Variants in FHIT observed in about 807,000 individuals in gnomAD.
FHIT encodes the protein fragile histidine triad diadenosine triphosphatase.
A neutral mutation model predicts 17.9 loss-of-function variants in FHIT; 19 were observed. That is an observed-to-expected ratio of 1.06 (90% confidence interval 0.74 to 1.56). The LOEUF (loss-of-function observed/expected upper bound fraction) is 1.56, where lower values mean the gene tolerates loss of function less well. FHIT is among the 40% of genes most tolerant of loss of function. FHIT has a pLI of 0.00. For synonymous variants in FHIT, 81 were observed against 69.7 expected, an observed-to-expected ratio of 1.16 and a Z score of -0.81; for missense variants, 248 against 189.2, an observed-to-expected ratio of 1.31 and a Z score of -1.82.
chr3:59,835,164 A>G lies in FHIT; in HGVS notation c.349-82843T>C, dbSNP rs572048281. 3.3e-5 allele frequency among the ~76,000 whole-genome samples: 5 copies of G among 152,302 alleles called. No individual in the cohort carries two copies. The South Asian group carries it at 1.0e-3, about 32-fold the overall frequency. On this transcript the variant is annotated intron_variant, in intron 8 of 9. Transcript: ENST00000492590. ...ATGGATCAAAGGCCCTCTGACTTAT[A>G]TCAGCCTGGGCCAAAATAGTCATTA...
At chr3:61,155,218 A>G (rs2107068024) in intron 2 of FHIT, among the ~76,000 whole-genome samples, 1 of 152,314 alleles carries the variant, frequency 6.6e-6, no homozygotes, top group South Asian at 2.1e-4. Context: ...AGAGAGGGGA[A>G]CTTATGAGCA....
chr3:60,536,751 A>C lies in FHIT; in HGVS notation c.103+109T>G, dbSNP rs2035994994. The C allele has an allele frequency of 2.5e-6, 3 of 1,203,032 alleles. No homozygotes were observed. The African/African-American group carries it at 4.7e-5, about 19-fold the overall frequency. 74.5% of individuals were successfully genotyped at this position (1,203,032 alleles called of 1,614,324 possible). The stretch of plus-strand genomic sequence containing the variant: ...GAAGTGGGAGGGAGATGGATTCTTT[A>C]TTTACCTTTTTGGACAGACTGGAGG... On this transcript the variant is annotated intron_variant, in intron 5 of 9. Coordinates refer to ENST00000492590, the MANE Select transcript of FHIT (RefSeq NM_002012.4).
At chr3:61,059,339 T>C (rs1278954327) in intron 2 of FHIT, among the ~76,000 whole-genome samples, 3 of 151,544 alleles carry the variant, frequency 2.0e-5, no homozygotes, top group Non-Finnish European at 4.4e-5. Context: ...GAAAGCCATT[T>C]AATTCAATGT....
chr3:60,040,464 C>T (rs1157035628), intron 5 of FHIT, among the ~76,000 whole-genome samples: 1 of 152,086 alleles, frequency 6.6e-6, no homozygotes, highest in African/African-American at 2.4e-5. Context: ...TCTTGACCTT[C>T]CTTTCTTCAT....
At chr3:61,232,824 G>T (rs1343452631) in intron 1 of FHIT, among the ~76,000 whole-genome samples, 1 of 152,138 alleles carries the variant, frequency 6.6e-6, no homozygotes, top group East Asian at 1.9e-4. Context: ...GACTGGACAG[G>T]AGAGCAGGTA....
chr3:60,332,097 A>T (rs1019586584), intron 5 of FHIT, among the ~76,000 whole-genome samples: 2 of 152,170 alleles, frequency 1.3e-5, no homozygotes, highest in African/African-American at 4.8e-5. Context: ...TCTATTCTAT[A>T]CTAGGTACTG....
chr3:61,017,365 G>A (rs1475381517), intron 3 of FHIT, among the ~76,000 whole-genome samples: 1 of 152,208 alleles, frequency 6.6e-6, no homozygotes, highest in Non-Finnish European at 1.5e-5. Flanking sequence ...GAATGTTAGT[G>A]CTCAAAGGAA....
chr3:59,822,658 T>C (rs1403848592), intron 8 of FHIT, among the ~76,000 whole-genome samples: 2 of 151,992 alleles, frequency 1.3e-5, no homozygotes, highest in African/African-American at 4.8e-5. Flanking sequence ...TTTGTTTTTT[T>C]CTTGCTAATT....
intron 5 of FHIT, among the ~76,000 whole-genome samples, chr3:60,069,677 T>C (rs182762394): frequency 6.6e-6 from 1 of 152,282 alleles, no homozygotes; most frequent in African/African-American, 2.4e-5. Context: ...TCTAGTAAAG[T>C]TTCTTCTTGG....
chr3:60,946,540 T>C lies in FHIT; in HGVS notation c.-111+95507A>G, dbSNP rs114283482. 5.7e-3 allele frequency among the ~76,000 whole-genome samples: 863 copies of C among 152,152 alleles called. 6 individuals carry two copies. Among genetic ancestry groups the C allele is most frequent in the African/African-American group, 0.019 (809 of 41,508 alleles). ...GCAAGTGAGAAACTCAGGGACCTGA[T>C]AGACCAGGTATGAGTATTCTCTGTG... On this transcript the variant is annotated intron_variant, in intron 3 of 9. Transcript: ENST00000492590.
intron 5 of FHIT, among the ~76,000 whole-genome samples, chr3:60,299,780 A>G (rs1344049508): frequency 6.6e-6 from 1 of 152,098 alleles, no homozygotes; most frequent in Non-Finnish European, 1.5e-5. Context: ...GTGGCTCATT[A>G]CATCCCAGTG....
At chr3:60,482,747 C>A in intron 5 of FHIT, among the ~76,000 whole-genome samples, 2 of 150,886 alleles carry the variant, frequency 1.3e-5, no homozygotes, top group African/African-American at 2.4e-5. Flanking sequence ...AAATCAACAC[C>A]CTAACATCAC....
At chr3:61,076,591 T>A (rs1010255070) in intron 2 of FHIT, among the ~76,000 whole-genome samples, 4 of 152,186 alleles carry the variant, frequency 2.6e-5, no homozygotes, top group Non-Finnish European at 4.4e-5. Flanking sequence ...AAGAATACAA[T>A]ACATAAAAGA....
intron 4 of FHIT, among the ~76,000 whole-genome samples, chr3:60,689,749 A>T (rs185708995): frequency 5.1e-4 from 78 of 152,276 alleles, no homozygotes; most frequent in Non-Finnish European, 8.7e-4. Flanking sequence ...AAAAATGAGA[A>T]TTTGTCACAA....
intron 4 of FHIT, among the ~76,000 whole-genome samples, chr3:60,615,556 CA>C (rs1189357919): frequency 6.6e-6 from 1 of 152,168 alleles, no homozygotes; most frequent in Non-Finnish European, 1.5e-5. Context: ...AGTGATGGTC[CA>C]ATTCACCTAT....
At chr3:60,215,781 T>A (rs1176993518) in intron 5 of FHIT, among the ~76,000 whole-genome samples, 1 of 152,152 alleles carries the variant, frequency 6.6e-6, no homozygotes, top group Non-Finnish European at 1.5e-5. Flanking sequence ...TAATTACTCT[T>A]CCCTTCCGTA....
At chr3:60,046,142 G>C (rs1455176533) in intron 5 of FHIT, among the ~76,000 whole-genome samples, 1 of 152,176 alleles carries the variant, frequency 6.6e-6, no homozygotes, top group African/African-American at 2.4e-5. Flanking sequence ...TAAAACGAAA[G>C]CAAGTACTTA....
intron 5 of FHIT, among the ~76,000 whole-genome samples, chr3:60,358,861 G>T (rs751634428): frequency 6.6e-6 from 1 of 152,172 alleles, no homozygotes; most frequent in East Asian, 1.9e-4. Flanking sequence ...ATAAAATGGA[G>T]TAATAATGGT....
chr3:60,204,878 C>T (rs1233772156), intron 5 of FHIT, among the ~76,000 whole-genome samples: 3 of 151,914 alleles, frequency 2.0e-5, no homozygotes, highest in African/African-American at 7.3e-5. Flanking sequence ...ACTTTCATGG[C>T]TGACAATCTA....
Sources: gnomAD v4.1 joint callset for allele counts (sites outside exome capture counted in the v4.1 genomes callset) on GRCh38, gnomAD v4.1.1 for gene constraint, MANE v1.5 for transcripts, NCBI Gene and HGNC (gene_info 2026-07-23, HGNC 2026-07-21) for gene names.